THBS2: variants seen among roughly 807,000 people sequenced by gnomAD.
The protein encoded by THBS2 is thrombospondin-2.
Under a neutral mutation model 135.2 loss-of-function variants are expected in THBS2, and 47 were observed. The observed-to-expected ratio is 0.35, with a 90% CI of 0.28 to 0.44. The LOEUF (loss-of-function observed/expected upper bound fraction) is 0.44, where lower values mean the gene tolerates loss of function less well. THBS2 is among the 20% of genes least tolerant of loss of function. The probability of loss-of-function intolerance (pLI) is 1.00; values close to 1 mark genes in which losing one functional copy is unlikely to be tolerated. For missense variants in THBS2, 1,288 were observed against 1,603.1 expected, an observed-to-expected ratio of 0.80 and a Z score of 3.36; for synonymous variants, 639 against 633.8, an observed-to-expected ratio of 1.01 and a Z score of -0.12.
chr6:169,249,595 T>C (rs936553629), intron 2 of THBS2, among the ~76,000 whole-genome samples: 1 of 152,254 alleles, frequency 6.6e-6, no homozygotes, highest in Admixed American at 6.5e-5. Flanking sequence ...TTTGTAAAAA[T>C]GTATTCTCCA....
intron 2 of THBS2, among the ~76,000 whole-genome samples, chr6:169,250,321 T>C (rs906485614): frequency 6.6e-6 from 1 of 152,244 alleles, no homozygotes; most frequent in Non-Finnish European, 1.5e-5. Flanking sequence ...AAGTGGGAAT[T>C]GATTGAAAAA....
At chr6:169,234,149 A>G (rs530763679) in intron 10 of THBS2, among the ~76,000 whole-genome samples, 2 of 150,738 alleles carry the variant, frequency 1.3e-5, no homozygotes, top group African/African-American at 2.4e-5. Context: ...ACACTACACA[A>G]CTACATATTC....
Position 169,232,785 on chromosome 6 carries a change from G to A in THBS2, c.1811C>T (p.Thr604Ile). 6.2e-7 allele frequency: 1 copy of A among 1,613,974 alleles called. No homozygotes were observed. Among genetic ancestry groups the A allele is most frequent in the South Asian group, 1.1e-5 (1 of 91,080 alleles). The stretch of plus-strand genomic sequence containing the variant: ...GTTGACACAGCGAGGCACCTTGCTG[G>A]TGGAGAAGCAGATGTCGGGGACCAG... Reference protein sequence around the residue: ...CALVPDICFSTSKVPRCVNTQ... With the variant: ...CALVPDICFSISKVPRCVNTQ... The change falls in exon 12 of 22, where the codon ACC becomes ATC. Residue 604 changes from threonine to isoleucine, a missense_variant. Coordinates refer to ENST00000617924, the MANE Select transcript of THBS2 (RefSeq NM_003247.5).
chr6:169,233,048 C>T, intron 10 of THBS2, 31 bp from the exon 11 acceptor site: 1 of 1,509,766 alleles, frequency 6.6e-7, no homozygotes, highest in South Asian at 1.3e-5. Context: ...CAGAGTTCAC[C>T]ACGCGCCCTG....
In THBS2 at chr6:169,228,107, A is replaced by G. The variant is rs1359418508; in HGVS notation, c.2419+15T>C. The G allele has an allele frequency of 6.3e-7, 1 of 1,593,878 alleles. No homozygotes were observed. The highest frequency in any genetic ancestry group is 1.1e-5 in the South Asian group (1 of 87,118). ...AAAAAAAAGTGCACGCATGGGAAGG[A>G]GCAGAAGCACCCACCGTCCCCATCA... On this transcript the variant is annotated intron_variant, in intron 15 of 21. Transcript: ENST00000617924.
At chr6:169,249,107 C>T in intron 2 of THBS2, 134 bp from the exon 3 acceptor site, 2 of 868,076 alleles carry the variant, frequency 2.3e-6, no homozygotes, top group Admixed American at 2.9e-5. Flanking sequence ...GCTTCTCTCC[C>T]TTTTTTATGG....
chr6:169,242,175 A>G (rs1780330884), intron 4 of THBS2, among the ~76,000 whole-genome samples: 1 of 152,132 alleles, frequency 6.6e-6, no homozygotes, highest in South Asian at 2.1e-4. Flanking sequence ...CACCAGGAAC[A>G]GCAGGGACAG....
In THBS2 at chr6:169,217,740, A is replaced by G. The variant is rs1320370538; in HGVS notation, c.*82T>C. On this transcript the variant is annotated 3_prime_UTR_variant, in exon 22 of 22. Transcript: ENST00000617924. ...GGACAGGAGGTGCTGCTAGAGAGAG[A>G]AGCCACAAGGACCACAATGAACTGA... 4.7e-5 allele frequency: 71 copies of G among 1,496,076 alleles called. No individual in the cohort carries two copies. The highest frequency in any genetic ancestry group is 6.1e-5 in the Non-Finnish European group (67 of 1,092,790). 92.7% of individuals were successfully genotyped at this position (1,496,076 alleles called of 1,614,324 possible). A position where few individuals can be genotyped will look rare whatever the true frequency, so the allele number is the denominator to read the frequency against.
rs768954682 is a variant in THBS2 at position 169,219,854 on chromosome 6, C to T, written c.3511+344G>A. ...CCTTCCTTCTTTCCTTCCTGCCTGC[C>T]TGCCATTGCTAATGCAAGGGTACCA... On this transcript the variant is annotated intron_variant, in intron 21 of 21. Coordinates refer to ENST00000617924, the MANE Select transcript of THBS2 (RefSeq NM_003247.5). 9 of 558,966 alleles carry T rather than the reference C, an allele frequency of 1.6e-5. No homozygotes were observed. In the East Asian group the frequency reaches 4.2e-4, roughly 26 times the overall value. 34.6% of individuals were successfully genotyped at this position (558,966 alleles called of 1,614,324 possible). A position where few individuals can be genotyped will look rare whatever the true frequency, so the allele number is the denominator to read the frequency against.
rs1467579180 is a variant in THBS2 at position 169,241,998 on chromosome 6, A to T, written c.695-40T>A. On this transcript the variant is annotated intron_variant, in intron 4 of 21. Transcript: ENST00000617924. The surrounding 1 kb of genome is among the most constrained non-coding windows in gnomAD (Gnocchi z 5.5). ...AGAAGGGCCGTGAGCATCACAGAGG[A>T]CGGGGCCAGCAGCAGGGGCTGGGAA... 1 of 1,571,408 alleles carries T rather than the reference A, an allele frequency of 6.4e-7. No homozygotes were observed. The highest frequency in any genetic ancestry group is 1.1e-5 in the South Asian group (1 of 87,764).
chr6:169,246,298 G>A lies in THBS2; in HGVS notation c.610-17C>T. 6.2e-7 allele frequency: 1 copy of A among 1,602,764 alleles called. No homozygotes were observed. Among genetic ancestry groups the A allele is most frequent in the Non-Finnish European group, 8.5e-7 (1 of 1,170,502 alleles). ...AAGCAAACCCTGTAAGTATACACAA[G>A]CAGAAAAATAGAGCAACAGATAAAC... On this transcript the variant is annotated splice_polypyrimidine_tract_variant and intron_variant, in intron 3 of 21. Coordinates refer to ENST00000617924, the MANE Select transcript of THBS2 (RefSeq NM_003247.5).
chr6:169,227,728 C>A (rs898005991), intron 15 of THBS2, among the ~76,000 whole-genome samples: 66 of 152,304 alleles, frequency 4.3e-4, no homozygotes, highest in Middle Eastern at 3.4e-3. Flanking sequence ...ATGAAAGGAG[C>A]TTATCAAAAT....
Position 169,241,326 on chromosome 6 carries a change from C to T in THBS2, c.891+436G>A, listed in dbSNP as rs1780284867. Among the ~76,000 whole-genome samples the T allele has an allele frequency of 6.6e-6, 1 of 152,190 alleles. No individual in the cohort carries two copies. The highest frequency in any genetic ancestry group is 6.5e-5 in the Admixed American group (1 of 15,284). On this transcript the variant is annotated intron_variant, in intron 5 of 21. Coordinates refer to ENST00000617924, the MANE Select transcript of THBS2 (RefSeq NM_003247.5). This position sits in a 1 kb window ranked among gnomAD's most constrained non-coding sequence, Gnocchi z 5.5. The stretch of plus-strand genomic sequence containing the variant: ...AAACCCATTTCACTCCTGCCAGCCT[C>T]ACAGGAACTTCCCGTCCTGCCTCTT...
chr6:169,235,821 A>G (rs1562359663), intron 9 of THBS2, among the ~76,000 whole-genome samples: 1 of 97,644 alleles, frequency 1.0e-5, no homozygotes, highest in East Asian at 3.1e-4. Flanking sequence ...ATCCACACTC[A>G]CTTCCATCCA....
chr6:169,253,366 G>A (rs1369020656), intron 1 of THBS2, among the ~76,000 whole-genome samples: 1 of 152,172 alleles, frequency 6.6e-6, no homozygotes, highest in Non-Finnish European at 1.5e-5. Context: ...AAACTCTCAT[G>A]TGGAATCTTC....
rs567847941 is a variant in THBS2 at position 169,228,312 on chromosome 6, G to A, written c.2260-31C>T. Reference sequence around the variant, plus strand: ...AAACCAAGAAAGGGAAGACTTTAACGAAGATCATAGGAATGTGTGTCGGGC... The same window carrying A: ...AAACCAAGAAAGGGAAGACTTTAACAAAGATCATAGGAATGTGTGTCGGGC... On this transcript the variant is annotated intron_variant, in intron 14 of 21. Coordinates refer to ENST00000617924, the MANE Select transcript of THBS2 (RefSeq NM_003247.5). 114 of 1,612,252 alleles carry A rather than the reference G, an allele frequency of 7.1e-5. No homozygotes were observed. In the South Asian group the frequency reaches 9.0e-4, roughly 13 times the overall value.
intron 14 of THBS2, 123 bp downstream of exon 14, chr6:169,229,449 T>G (rs1217872874): frequency 1.3e-6 from 1 of 751,798 alleles, no homozygotes; most frequent in African/African-American, 1.7e-5. Flanking sequence ...GAACTGCCTA[T>G]GCACAAACGC....
At chr6:169,232,547 C>T in intron 12 of THBS2, 117 bp downstream of exon 12, 2 of 1,483,864 alleles carry the variant, frequency 1.3e-6, no homozygotes, top group Non-Finnish European at 1.8e-6. Flanking sequence ...GCCAGCCCCT[C>T]CCATGCCTCT....
At chr6:169,234,670 G>T in intron 10 of THBS2, 64 bp downstream of exon 10, 1 of 1,393,268 alleles carries the variant, frequency 7.2e-7, no homozygotes, top group Non-Finnish European at 9.5e-7. Flanking sequence ...TTCCCAAAGC[G>T]TTTGTGCTTT....
Sources: gnomAD v4.1 joint callset for allele counts (sites outside exome capture counted in the v4.1 genomes callset) on GRCh38, gnomAD v4.1.1 for gene constraint, Gnocchi (gnomAD v3.1) non-coding constraint, MANE v1.5 for transcripts, NCBI Gene and HGNC (gene_info 2026-07-23, HGNC 2026-07-21) for gene names.